ZNF536: variants seen among roughly 807,000 people sequenced by gnomAD.
ZNF536 encodes zinc finger protein 536.
Under a neutral mutation model 84.5 loss-of-function variants are expected in ZNF536, and 13 were observed. That is an observed-to-expected ratio of 0.15 (90% confidence interval 0.10 to 0.24). ZNF536 has a LOEUF of 0.24. Ranked by LOEUF, ZNF536 falls within the 10% of genes least tolerant of loss-of-function variation. ZNF536 has a pLI of 1.00. For missense variants in ZNF536, 1,536 were observed against 1,747.5 expected, an observed-to-expected ratio of 0.88 and a Z score of 2.16; for synonymous variants, 811 against 742.5, an observed-to-expected ratio of 1.09 and a Z score of -1.50.
At chr19:30,388,846 C>T (rs1290099302) in intron 1 of ZNF536, among the ~76,000 whole-genome samples, 1 of 152,188 alleles carries the variant, frequency 6.6e-6, no homozygotes, top group African/African-American at 2.4e-5. Context: ...ACTTTCCAGG[C>T]TTAAAATCAT....
At chr19:30,296,062 C>T (rs2045987101) in intron 2 of ZNF536, 1 of 152,232 alleles carries the variant, frequency 6.6e-6, no homozygotes, top group Non-Finnish European at 1.5e-5. Flanking sequence ...TGACTGTGTA[C>T]TGGGCTTCAA....
intron 2 of ZNF536, among the ~76,000 whole-genome samples, chr19:30,508,494 T>C (rs2055264467): frequency 1.3e-5 from 2 of 152,116 alleles, no homozygotes; most frequent in Non-Finnish European, 2.9e-5. Context: ...ACATGGTGAA[T>C]GACAGATGTG....
intron 3 of ZNF536, among the ~76,000 whole-genome samples, chr19:30,353,365 A>C (rs997210101): frequency 6.6e-6 from 1 of 152,040 alleles, no homozygotes; most frequent in Admixed American, 6.6e-5. Context: ...GCAGCGTAAG[A>C]GTGGGAAGTT....
intron 2 of ZNF536, among the ~76,000 whole-genome samples, chr19:30,468,783 A>G (rs2053515993): frequency 1.3e-5 from 2 of 152,108 alleles, no homozygotes; most frequent in Admixed American, 1.3e-4. Context: ...GCCCATCGAC[A>G]CCTAGGCAGA....
upstream of ZNF536, among the ~76,000 whole-genome samples, chr19:30,371,325 T>A (rs2048604055): frequency 6.6e-6 from 1 of 152,128 alleles, no homozygotes; most frequent in Admixed American, 6.5e-5. Context: ...AATGGAACAA[T>A]AAGGCCTTTG....
upstream of ZNF536, among the ~76,000 whole-genome samples, chr19:30,370,613 T>G (rs2048580168): frequency 1.3e-5 from 2 of 152,220 alleles, no homozygotes; most frequent in Non-Finnish European, 2.9e-5. Flanking sequence ...GAATGAAGAT[T>G]ATGACAAAGA....
intron 2 of ZNF536, among the ~76,000 whole-genome samples, chr19:30,512,038 C>T (rs1329282681): frequency 2.0e-5 from 3 of 152,100 alleles, no homozygotes; most frequent in South Asian, 2.1e-4. Context: ...CTTTTGTCTG[C>T]AAAGCATATG....
At chr19:30,490,066 A>T (rs2054448588) in intron 2 of ZNF536, among the ~76,000 whole-genome samples, 1 of 152,202 alleles carries the variant, frequency 6.6e-6, no homozygotes, top group Admixed American at 6.5e-5. Context: ...GCATATTTCA[A>T]TTGAGTTTGG....
rs888153636 is a variant in ZNF536 at position 30,228,580 on chromosome 19, A to G, written c.-283A>G. 6.9e-5 allele frequency: 10 copies of G among 145,538 alleles called. No individual in the cohort carries two copies. The highest frequency in any genetic ancestry group is 9.1e-5 in the Non-Finnish European group (6 of 65,790). The allele number at this position is 145,538 out of a possible 1,614,324, so 9.0% of individuals were successfully genotyped here. A position where few individuals can be genotyped will look rare whatever the true frequency, so the allele number is the denominator to read the frequency against. Reference sequence around the variant, plus strand: ...GTCCGGAGTCCATTTGCATAATTGGATTTTTTTTTTTTGCCTCCTTCTTTC... The same window carrying G: ...GTCCGGAGTCCATTTGCATAATTGGGTTTTTTTTTTTTGCCTCCTTCTTTC... On this transcript the variant is annotated 5_prime_UTR_variant, in exon 1 of 6. Coordinates refer to the ZNF536 transcript ENST00000585628. The surrounding 1 kb of genome is among the most constrained non-coding windows in gnomAD (Gnocchi z 4.5).
intron 1 of ZNF536, among the ~76,000 whole-genome samples, chr19:30,438,638 G>A (rs114491262): frequency 1.6e-4 from 25 of 152,316 alleles, no homozygotes; most frequent in African/African-American, 6.0e-4. Flanking sequence ...AGACCTTCCA[G>A]CAGGTCTTTT....
At position 30,549,647 on chromosome 19, in the gene ZNF536, T is replaced by C. The variant is rs946200873; in HGVS notation, c.3895+133T>C. 6.0e-6 allele frequency: 6 copies of C among 992,146 alleles called. No homozygotes were observed. The African/African-American group carries it at 9.8e-5, about 16-fold the overall frequency. The allele number at this position is 992,146 out of a possible 1,614,324, so 61.5% of individuals were successfully genotyped here. On this transcript the variant is annotated intron_variant, in intron 4 of 4. Coordinates refer to ENST00000355537, the MANE Select transcript of ZNF536 (RefSeq NM_014717.3). ...ATATTTGAAAAAACCCTCAATGCTG[T>C]ATCTGCAATGTAGACAATCATAAAA... is the stretch of plus-strand genomic sequence containing the variant.
At chr19:30,673,495 C>T (rs2050636863) in intron 1 of ZNF536, among the ~76,000 whole-genome samples, 1 of 152,190 alleles carries the variant, frequency 6.6e-6, no homozygotes, top group African/African-American at 2.4e-5. Context: ...GACGGGTCTC[C>T]CGCCCTGTGC....
intron 2 of ZNF536, among the ~76,000 whole-genome samples, chr19:30,351,654 C>A (rs1210207129): frequency 4.6e-5 from 7 of 152,192 alleles, no homozygotes; most frequent in Non-Finnish European, 7.3e-5. Flanking sequence ...ATACAAGAAA[C>A]CCCTCAGTGG....
intron 1 of ZNF536, among the ~76,000 whole-genome samples, chr19:30,676,490 C>T (rs1029578825): frequency 1.3e-5 from 2 of 152,164 alleles, no homozygotes; most frequent in African/African-American, 2.4e-5. Flanking sequence ...TTATAACTCC[C>T]TTGTTGTTGG....
At chr19:30,408,011 C>A (rs2050334512) in intron 1 of ZNF536, among the ~76,000 whole-genome samples, 1 of 152,170 alleles carries the variant, frequency 6.6e-6, no homozygotes, top group Non-Finnish European at 1.5e-5. Flanking sequence ...GTGATGGGCA[C>A]TATGAGTACC....
In ZNF536 at chr19:30,443,974, C is replaced by T. The variant is rs777391713; in HGVS notation, c.412C>T (p.Arg138Cys). 6.2e-7 allele frequency: 1 copy of T among 1,613,748 alleles called. No individual in the cohort carries two copies. The change falls in exon 2 of 5, where the codon CGC becomes TGC. Residue 138 changes from arginine to cysteine, a missense_variant. Coordinates refer to ENST00000355537, the MANE Select transcript of ZNF536 (RefSeq NM_014717.3). ...GTACCCGTGCCCACTCTGCGGCAAGCGCTTCCGCTTCAACAGCATCCTCTC... is the reference window on the plus strand; with the variant it reads ...GTACCCGTGCCCACTCTGCGGCAAGTGCTTCCGCTTCAACAGCATCCTCTC... ...RKYPCPLCGK[R>C]FRFNSILSLH...
chr19:30,269,446 A>T (rs1348820974), intron 1 of ZNF536, among the ~76,000 whole-genome samples: 2 of 152,140 alleles, frequency 1.3e-5, no homozygotes, highest in Non-Finnish European at 2.9e-5. Context: ...CAATTTGTGG[A>T]TGGAGAGATC....
At chr19:30,605,152 G>A (rs2146969432) in intron 1 of ZNF536, among the ~76,000 whole-genome samples, 1 of 152,308 alleles carries the variant, frequency 6.6e-6, no homozygotes, top group Non-Finnish European at 1.5e-5. Flanking sequence ...GGTAATAGTG[G>A]ATGGTGCGAA....
intron 1 of ZNF536, among the ~76,000 whole-genome samples, chr19:30,280,262 G>T (rs2045393238): frequency 6.7e-6 from 1 of 149,604 alleles, no homozygotes; most frequent in Non-Finnish European, 1.5e-5. Flanking sequence ...CCTTACTTTT[G>T]TTTTCCCTCC....
Sources: allele counts gnomAD v4.1 joint callset (sites outside exome capture counted in the v4.1 genomes callset), GRCh38; gene constraint gnomAD v4.1.1; non-coding constraint Gnocchi (gnomAD v3.1); transcripts MANE v1.5; gene names NCBI Gene and HGNC (gene_info 2026-07-23, HGNC 2026-07-21).